ZNF500: variants seen among roughly 807,000 people sequenced by gnomAD.
ZNF500 encodes the protein zinc finger protein with KRAB and SCAN domains 18.
ZNF500 carries 31 observed loss-of-function variants against 30.1 expected under a neutral mutation model. That is an observed-to-expected ratio of 1.03 (90% confidence interval 0.77 to 1.39). The LOEUF (loss-of-function observed/expected upper bound fraction) is 1.39, where lower values mean the gene tolerates loss of function less well. ZNF500 is among the 40% of genes most tolerant of loss of function. The pLI is 0.00. For synonymous variants in ZNF500, 392 were observed against 282.0 expected (o/e 1.39, Z -3.91); for missense variants, 817 against 657.8 (o/e 1.24, Z -2.65).
Position 4,749,583 on chromosome 16 carries a change from G to C in ZNF500, c.*2793C>G, listed in dbSNP as rs2082059726. 6.6e-6 allele frequency: 1 copy of C among 152,368 alleles called. No homozygotes were observed. Among genetic ancestry groups the C allele is most frequent in the African/African-American group, 2.4e-5 (1 of 41,456 alleles). The allele number at this position is 152,368 out of a possible 1,614,324, so 9.4% of individuals were successfully genotyped here. A position where few individuals can be genotyped will look rare whatever the true frequency, so the allele number is the denominator to read the frequency against. On this transcript the variant is annotated 3_prime_UTR_variant, in exon 6 of 6. Transcript: ENST00000219478. ...TAATCCCAGCACTTTGGGAGGCCGA[G>C]GTGGGTGGATCACAAGGTCGGGAGT...
Position 4,749,735 on chromosome 16 carries a change from C to A in ZNF500, c.*2641G>T, listed in dbSNP as rs1270123985. ...GGCTGAGGCAGGAGAATCACTTGAA[C>A]CTGGGAGGTGGAGGTTGTGGTGAGC... On this transcript the variant is annotated 3_prime_UTR_variant, in exon 6 of 6. Coordinates refer to ENST00000219478, the MANE Select transcript of ZNF500 (RefSeq NM_021646.4). 6.6e-6 allele frequency: 1 copy of A among 152,336 alleles called. No individual in the cohort carries two copies. The highest frequency in any genetic ancestry group is 2.4e-5 in the African/African-American group (1 of 41,434). 9.4% of individuals were successfully genotyped at this position (152,336 alleles called of 1,614,324 possible).
chr16:4,753,931 C>T (rs2082110626), intron 5 of ZNF500, among the ~76,000 whole-genome samples: 1 of 152,224 alleles, frequency 6.6e-6, no homozygotes, highest in Admixed American at 6.5e-5. Flanking sequence ...GCCCCTGAGG[C>T]CCCTCTGCAG....
rs140434594 is a variant in ZNF500, at chr16:4,765,634, C to T, written c.345G>A (p.Pro115=). ...EIQARVREQQ[P]ESGEEAVVLV... ...GGACCACGGCCTCCTCACCGCTCTC[C>T]GGCTGCTGCTCGCGTACCCGAGCCT... The change falls in exon 2 of 6, where the codon CCG becomes CCA. Residue 115 remains proline (P), a synonymous_variant. Transcript: ENST00000219478. 8.7e-5 allele frequency: 140 copies of T among 1,613,378 alleles called. No homozygotes were observed. Among genetic ancestry groups the T allele is most frequent in the Non-Finnish European group, 1.1e-4 (130 of 1,179,910 alleles).
intron 5 of ZNF500, among the ~76,000 whole-genome samples, chr16:4,757,348 T>C (rs2082146039): frequency 6.6e-6 from 1 of 152,302 alleles, no homozygotes; most frequent in Admixed American, 6.5e-5. Flanking sequence ...AGTCTCACTC[T>C]GTTGCCCAGG....
In ZNF500 at chr16:4,753,598, G is replaced by C. The variant is rs183322305; in HGVS notation, c.761-540C>G. 7.2e-5 allele frequency among the ~76,000 whole-genome samples: 11 copies of C among 152,342 alleles called. No homozygotes were observed. The East Asian group carries it at 2.1e-3, about 29-fold the overall frequency. ...ACACAAGTGTTAAGAAACTTACCCA[G>C]AATCACCGGGCTGCTAAGTTACAGA... On this transcript the variant is annotated intron_variant, in intron 5 of 5. Coordinates refer to ENST00000219478, the MANE Select transcript of ZNF500 (RefSeq NM_021646.4).
intron 2 of ZNF500, chr16:4,763,638 G>A (rs2082231967): frequency 2.0e-6 from 2 of 985,394 alleles, no homozygotes; most frequent in Non-Finnish European, 2.4e-6. Flanking sequence ...CCCTTGGGGA[G>A]CACAGCCTGC....
At chr16:4,759,473 T>C (rs538128497) in intron 5 of ZNF500, among the ~76,000 whole-genome samples, 3 of 152,300 alleles carry the variant, frequency 2.0e-5, no homozygotes, top group African/African-American at 7.2e-5. Context: ...TTATTTACAA[T>C]GGAATATTCT....
chr16:4,760,452 T>G, intron 5 of ZNF500, 40 bp downstream of exon 5: 18 of 1,591,472 alleles, frequency 1.1e-5, no homozygotes, highest in Non-Finnish European at 1.5e-5. Flanking sequence ...GTTCCTATTT[T>G]TGGCAAGCCC....
chr16:4,765,452 C>G, intron 2 of ZNF500, 113 bp downstream of exon 2: 1 of 1,445,142 alleles, frequency 6.9e-7, no homozygotes. Flanking sequence ...CTCAAAAGGG[C>G]TCAGGGGCCA....
chr16:4,760,268 G>A (rs569658946), intron 5 of ZNF500, among the ~76,000 whole-genome samples: 9 of 152,268 alleles, frequency 5.9e-5, no homozygotes, highest in African/African-American at 2.4e-5. Flanking sequence ...GTAGGGGGCA[G>A]AGGCAGAAGA....
At chr16:4,762,468 C>G in intron 3 of ZNF500, 105 bp downstream of exon 3, 2 of 1,514,688 alleles carry the variant, frequency 1.3e-6, no homozygotes, top group Non-Finnish European at 1.8e-6. Context: ...AGCCTGTGCA[C>G]CCTGCATCCA....
rs1240659685 is a variant in ZNF500, at chr16:4,749,059, T to A, written c.*3317A>T. 6.6e-6 allele frequency: 1 copy of A among 152,408 alleles called. No individual in the cohort carries two copies. Among genetic ancestry groups the A allele is most frequent in the East Asian group, 1.9e-4 (1 of 5,196 alleles). The allele number at this position is 152,408 out of a possible 1,614,324, so 9.4% of individuals were successfully genotyped here. A position where few individuals can be genotyped will look rare whatever the true frequency, so the allele number is the denominator to read the frequency against. On this transcript the variant is annotated 3_prime_UTR_variant, in exon 6 of 6. Coordinates refer to ENST00000219478, the MANE Select transcript of ZNF500 (RefSeq NM_021646.4). Reference sequence around the variant, plus strand: ...CTCCCAATGATGAGGGGCATTTTCATTGCAAGTCAAAGGCAAGACAGGCTT... The same window carrying A: ...CTCCCAATGATGAGGGGCATTTTCAATGCAAGTCAAAGGCAAGACAGGCTT...
At chr16:4,763,821 C>A in intron 2 of ZNF500, 7 of 985,442 alleles carry the variant, frequency 7.1e-6, no homozygotes, top group Non-Finnish European at 8.4e-6. Context: ...GATTTTCTGA[C>A]TGCGGTCAGC....
intron 2 of ZNF500, 58 bp from the exon 3 acceptor site, chr16:4,762,814 C>G (rs1052935406): frequency 6.5e-7 from 1 of 1,530,006 alleles, no homozygotes; most frequent in African/African-American, 1.4e-5. Context: ...GAAAAATCCC[C>G]GCAGGGCCCC....
chr16:4,763,748 T>C, intron 2 of ZNF500: 1 of 985,378 alleles, frequency 1.0e-6, no homozygotes, highest in Non-Finnish European at 1.2e-6. Context: ...GAAGCTGTGG[T>C]GGCCAGGAAA....
downstream of ZNF500, chr16:4,748,222 T>TC (rs1188679017): frequency 2.0e-5 from 3 of 147,726 alleles, no homozygotes; most frequent in Admixed American, 1.3e-4. Context: ...CAGCTAATTT[T>TC]TTTTTTTTTT....
At position 4,751,404 on chromosome 16, in the gene ZNF500, G is replaced by T; in HGVS notation, c.*972C>A. On this transcript the variant is annotated 3_prime_UTR_variant, in exon 6 of 6. Transcript: ENST00000219478. ...CCGGCCCTGGGGAGATGTCAGGCCC[G>T]TCACATCCCAGGCAACATGTCAGGA... 3.2e-6 allele frequency: 2 copies of T among 633,490 alleles called. No individual in the cohort carries two copies. Among genetic ancestry groups the T allele is most frequent in the East Asian group, 3.0e-5 (1 of 33,656 alleles). The allele number at this position is 633,490 out of a possible 1,614,324, so 39.2% of individuals were successfully genotyped here. A position where few individuals can be genotyped will look rare whatever the true frequency, so the allele number is the denominator to read the frequency against.
chr16:4,764,995 C>G (rs76512951), intron 2 of ZNF500, among the ~76,000 whole-genome samples: 2,657 of 151,746 alleles, frequency 0.018, 92 homozygotes, highest in African/African-American at 0.062. Flanking sequence ...TGCCGGACCT[C>G]TCTCCCACCA....
At chr16:4,753,198 C>T (rs910598814) in intron 5 of ZNF500, 140 bp from the exon 6 acceptor site, 7 of 1,396,024 alleles carry the variant, frequency 5.0e-6, no homozygotes, top group African/African-American at 1.4e-5. Context: ...CTGTGGCTCA[C>T]GCCTATAATC....
Sources: gnomAD v4.1 joint callset for allele counts (sites outside exome capture counted in the v4.1 genomes callset) on GRCh38, gnomAD v4.1.1 for gene constraint, MANE v1.5 for transcripts, NCBI Gene and HGNC (gene_info 2026-07-23, HGNC 2026-07-21) for gene names.